MKLN1: variants seen among roughly 807,000 people sequenced by gnomAD.
The protein encoded by MKLN1 is muskelin 1, also known as muskelin.
A neutral mutation model predicts 99.0 loss-of-function variants in MKLN1; 18 were observed. That is an observed-to-expected ratio of 0.18 (90% CI 0.13 to 0.27). MKLN1 has a LOEUF of 0.27. Among genes scored for constraint, MKLN1 ranks in the 10% least tolerant of loss-of-function variants. MKLN1 has a pLI of 1.00. For synonymous variants in MKLN1, 288 were observed against 293.2 expected (o/e 0.98, Z 0.18); for missense variants, 621 against 875.9 (o/e 0.71, Z 3.67).
chr7:131,405,921 G>T (rs1008682312), intron 6 of MKLN1, among the ~76,000 whole-genome samples: 4 of 152,020 alleles, frequency 2.6e-5, no homozygotes, highest in Non-Finnish European at 5.9e-5. Context: ...TTGTATATTT[G>T]TTCAGTTGGT....
At chr7:131,479,175 CT>C (rs1209988430) in intron 17 of MKLN1, among the ~76,000 whole-genome samples, 1 of 152,248 alleles carries the variant, frequency 6.6e-6, no homozygotes, top group African/African-American at 2.4e-5. Flanking sequence ...CTGGTTGAAA[CT>C]CAAGTTTTTC....
rs189835663 is a variant in MKLN1, at chr7:131,309,180, G to C, written c.-178-66244G>C. On this transcript the variant is annotated intron_variant, in intron 3 of 7. Transcript: ENST00000416992. ...TGTCCTGTAGACAAAGGAGAGTTAA[G>C]ATGTACCGAGGAGTTCTGAGGGTCT... is the stretch of plus-strand genomic sequence containing the variant. Among the ~76,000 whole-genome samples the C allele has an allele frequency of 1.8e-3, 268 of 152,304 alleles. 1 individual carries two copies. Among genetic ancestry groups the C allele is most frequent in the African/African-American group, 6.3e-3 (260 of 41,560 alleles).
intron 17 of MKLN1, among the ~76,000 whole-genome samples, chr7:131,483,811 A>G (rs1407107820): frequency 3.3e-5 from 5 of 152,250 alleles, no homozygotes; most frequent in Admixed American, 3.3e-4. Flanking sequence ...ACGTGTGCAT[A>G]TGGTAACTCA....
intron 1 of MKLN1, among the ~76,000 whole-genome samples, chr7:131,353,586 A>G (rs937157488): frequency 3.9e-4 from 60 of 152,170 alleles, no homozygotes; most frequent in African/African-American, 1.4e-3. Context: ...CTTTTCAACC[A>G]CTTAAAAGTC....
chr7:131,115,116 TAAGAAGGACTAAAGGGC>T (rs1219970184), intron 1 of MKLN1, among the ~76,000 whole-genome samples: 7 of 152,002 alleles, frequency 4.6e-5, no homozygotes, highest in Non-Finnish European at 1.0e-4. Flanking sequence ...TTCTTTTATA[TAAGAAGGACTAAAGGGC>T]AAGTAGGGAA....
At chr7:131,183,186 A>G (rs1220409659) in intron 2 of MKLN1, among the ~76,000 whole-genome samples, 3 of 152,216 alleles carry the variant, frequency 2.0e-5, no homozygotes, top group Non-Finnish European at 2.9e-5. Context: ...TCTTCTGATG[A>G]CTTCTTACAT....
chr7:131,166,356 G>A (rs530436852), intron 2 of MKLN1, among the ~76,000 whole-genome samples: 2 of 152,126 alleles, frequency 1.3e-5, no homozygotes, highest in African/African-American at 2.4e-5. Context: ...ACTGGCTAAC[G>A]TAATCATATA....
chr7:131,476,673 C>G (rs1217850433), intron 16 of MKLN1, among the ~76,000 whole-genome samples: 1 of 152,020 alleles, frequency 6.6e-6, no homozygotes, highest in Non-Finnish European at 1.5e-5. Context: ...CCCAAATTGG[C>G]CTTTATTTTA....
At chr7:131,210,652 G>A (rs554975258) in intron 3 of MKLN1, among the ~76,000 whole-genome samples, 29 of 132,078 alleles carry the variant, frequency 2.2e-4, no homozygotes, top group Non-Finnish European at 4.1e-4. Context: ...GCTGTGAGCT[G>A]TGTTTGTGCC....
intron 16 of MKLN1, among the ~76,000 whole-genome samples, chr7:131,477,181 A>G (rs913907440): frequency 6.6e-6 from 1 of 152,222 alleles, no homozygotes; most frequent in Non-Finnish European, 1.5e-5. Flanking sequence ...AAAGGCAGTA[A>G]TCATCGAAGA....
chr7:131,457,060 C>G (rs1796364473), intron 12 of MKLN1, among the ~76,000 whole-genome samples: 1 of 151,958 alleles, frequency 6.6e-6, no homozygotes, highest in African/African-American at 2.4e-5. Flanking sequence ...GGCAGATAAC[C>G]TGAGGTCGGG....
At chr7:131,143,659 C>T (rs1461759282) in intron 2 of MKLN1, among the ~76,000 whole-genome samples, 1 of 151,934 alleles carries the variant, frequency 6.6e-6, no homozygotes, top group Non-Finnish European at 1.5e-5. Flanking sequence ...GACCCCATCT[C>T]TACAAAAATT....
intron 2 of MKLN1, among the ~76,000 whole-genome samples, chr7:131,195,616 T>C (rs1218154020): frequency 6.6e-6 from 1 of 152,126 alleles, no homozygotes; most frequent in Admixed American, 6.6e-5. Context: ...ATGAAATATA[T>C]ATGTAACCAC....
intron 1 of MKLN1, among the ~76,000 whole-genome samples, chr7:131,132,652 C>T (rs895668507): frequency 9.2e-5 from 14 of 152,014 alleles, no homozygotes; most frequent in East Asian, 1.9e-4. Context: ...AGGCCGGGCG[C>T]GGTGGCTCAC....
At chr7:131,159,109 G>T (rs572657521) in intron 2 of MKLN1, among the ~76,000 whole-genome samples, 1 of 152,078 alleles carries the variant, frequency 6.6e-6, no homozygotes, top group Admixed American at 6.5e-5. Context: ...TGAGAGGATC[G>T]CCTGAGCCCG....
intron 16 of MKLN1, among the ~76,000 whole-genome samples, chr7:131,472,594 ATGTGTGTGTGTGTG>A (rs5887506): frequency 3.3e-5 from 5 of 149,996 alleles, no homozygotes; most frequent in East Asian, 3.9e-4. Context: ...TGAAGTGTGT[ATGTGTGTGTGTGTG>A]TGTGTGTGTG....
chr7:131,175,730 T>C (rs1176455249), intron 2 of MKLN1, among the ~76,000 whole-genome samples: 1 of 152,128 alleles, frequency 6.6e-6, no homozygotes, highest in Non-Finnish European at 1.5e-5. Flanking sequence ...TGAAACCCCG[T>C]CTCTACTAAA....
chr7:131,222,421 A>G (rs1279459253), intron 3 of MKLN1, among the ~76,000 whole-genome samples: 3 of 152,120 alleles, frequency 2.0e-5, no homozygotes, highest in Non-Finnish European at 4.4e-5. Flanking sequence ...CATCTTTAAT[A>G]CCCGAAGTCA....
chr7:131,410,496 T>C (rs926253599), intron 6 of MKLN1, among the ~76,000 whole-genome samples: 2 of 152,180 alleles, frequency 1.3e-5, no homozygotes, highest in Non-Finnish European at 2.9e-5. Flanking sequence ...CTCAAAACTG[T>C]ATAATAATGG....
Sources: gnomAD v4.1 joint callset for allele counts (sites outside exome capture counted in the v4.1 genomes callset) on GRCh38, gnomAD v4.1.1 for gene constraint, MANE v1.5 for transcripts, NCBI Gene and HGNC (gene_info 2026-07-23, HGNC 2026-07-21) for gene names.